MOB1B: variants seen among roughly 807,000 people sequenced by gnomAD.
The protein encoded by MOB1B is MOB1 Mps One Binder homolog B.
MOB1B carries 19 observed loss-of-function variants against 24.4 expected under a neutral mutation model. The observed-to-expected ratio is 0.78, with a 90% confidence interval of 0.54 to 1.14. MOB1B has a LOEUF of 1.14. MOB1B is among the 50% of genes most tolerant of loss of function. MOB1B has a pLI of 0.00. For missense variants in MOB1B, 243 were observed against 259.6 expected (o/e 0.94, Z 0.44); for synonymous variants, 76 against 82.1 (o/e 0.93, Z 0.40).
At chr4:70,935,893 C>T (rs1737064570) in intron 1 of MOB1B, among the ~76,000 whole-genome samples, 1 of 144,756 alleles carries the variant, frequency 6.9e-6, no homozygotes, top group South Asian at 2.2e-4. Context: ...GCTCTGTTGC[C>T]CAGGCTGGAG....
chr4:70,967,925 G>C (rs1401027220), intron 2 of MOB1B, among the ~76,000 whole-genome samples: 3 of 151,976 alleles, frequency 2.0e-5, no homozygotes, highest in Non-Finnish European at 4.4e-5. Context: ...AACTTTCCTG[G>C]CTCAAGCGAT....
rs1324653941 is a variant in MOB1B, at chr4:70,945,202, C to T, written c.15-13672C>T. Among the ~76,000 whole-genome samples, 4 of 152,240 alleles carry T rather than the reference C, an allele frequency of 2.6e-5. No homozygotes were observed. The East Asian group carries it at 7.7e-4, about 29-fold the overall frequency. The stretch of plus-strand genomic sequence containing the variant: ...TATGAAACCTAAGTATATATAAATA[C>T]CCAACTCAGCTTCCCCTTAGTTCAG... On this transcript the variant is annotated intron_variant, in intron 1 of 5. Transcript: ENST00000309395.
At position 70,983,420 on chromosome 4, in the gene MOB1B, G is replaced by T. The variant is rs571409143; in HGVS notation, c.*1363G>T. The T allele has an allele frequency of 6.6e-6, 1 of 152,330 alleles. No homozygotes were observed. The highest frequency in any genetic ancestry group is 2.4e-5 in the African/African-American group (1 of 41,420). 9.4% of individuals were successfully genotyped at this position (152,330 alleles called of 1,614,324 possible). On this transcript the variant is annotated 3_prime_UTR_variant, in exon 6 of 6. Coordinates refer to ENST00000309395, the MANE Select transcript of MOB1B (RefSeq NM_173468.4). Reference sequence around the variant, plus strand: ...ATTTTATTCGCCATGACTTTCTAGTGAATTATTACCATAAATAACAATTTC... The same window carrying T: ...ATTTTATTCGCCATGACTTTCTAGTTAATTATTACCATAAATAACAATTTC...
chr4:70,945,584 C>G (rs1423599112), intron 1 of MOB1B, among the ~76,000 whole-genome samples: 1 of 152,180 alleles, frequency 6.6e-6, no homozygotes, highest in Admixed American at 6.5e-5. Flanking sequence ...AAAGTATTTG[C>G]TGTACTTTCA....
chr4:70,912,947 G>C (rs1431509537), intron 1 of MOB1B, among the ~76,000 whole-genome samples: 2 of 152,208 alleles, frequency 1.3e-5, no homozygotes, highest in East Asian at 3.9e-4. Flanking sequence ...TGTGGAGATA[G>C]GGTTTCACCG....
At chr4:70,926,119 G>A (rs1343895210) in intron 1 of MOB1B, among the ~76,000 whole-genome samples, 1 of 152,022 alleles carries the variant, frequency 6.6e-6, no homozygotes, top group Non-Finnish European at 1.5e-5. Context: ...CTGAGTAGCC[G>A]GGACTTTAGG....
intron 5 of MOB1B, among the ~76,000 whole-genome samples, chr4:70,981,330 C>T (rs1739204884): frequency 6.6e-6 from 1 of 152,112 alleles, no homozygotes; most frequent in Non-Finnish European, 1.5e-5. Flanking sequence ...GTAGACAAGC[C>T]TCTATTTACT....
chr4:70,942,304 C>A (rs556327105), intron 1 of MOB1B, among the ~76,000 whole-genome samples: 2 of 151,734 alleles, frequency 1.3e-5, no homozygotes, highest in Non-Finnish European at 2.9e-5. Context: ...ATTTAATATT[C>A]TAGTGGTCTA....
At chr4:70,948,892 T>C (rs1411287047) in intron 1 of MOB1B, among the ~76,000 whole-genome samples, 1 of 152,182 alleles carries the variant, frequency 6.6e-6, no homozygotes. Flanking sequence ...CCCTCCACCA[T>C]GCTCTGAGCT....
intron 1 of MOB1B, among the ~76,000 whole-genome samples, chr4:70,904,367 A>G (rs2148863545): frequency 6.6e-6 from 1 of 152,196 alleles, no homozygotes; most frequent in Non-Finnish European, 1.5e-5. Flanking sequence ...TACATTGCTA[A>G]TGTTTGATTG....
At chr4:70,950,427 CAA>C (rs34937726) in intron 1 of MOB1B, among the ~76,000 whole-genome samples, 16,935 of 69,972 alleles carry the variant, frequency 0.24, 1,915 homozygotes, top group African/African-American at 0.46. Context: ...GTCTCTGTAT[CAA>C]AAAAAAAAAA....
intron 1 of MOB1B, among the ~76,000 whole-genome samples, chr4:70,942,269 A>G (rs954452708): frequency 3.3e-5 from 5 of 152,078 alleles, no homozygotes; most frequent in Non-Finnish European, 7.4e-5. Flanking sequence ...GTAATATTAA[A>G]GTGGTCTATT....
intron 1 of MOB1B, among the ~76,000 whole-genome samples, chr4:70,943,277 G>A (rs1737423169): frequency 1.3e-5 from 2 of 152,166 alleles, no homozygotes; most frequent in Non-Finnish European, 1.5e-5. Context: ...GGAACAAGTA[G>A]TTTACTAGTT....
chr4:70,959,897 T>C (rs1578389927), intron 2 of MOB1B, among the ~76,000 whole-genome samples: 1 of 151,774 alleles, frequency 6.6e-6, no homozygotes, highest in East Asian at 1.9e-4. Context: ...TTTATTTTTA[T>C]TTTGAGATCG....
chr4:70,947,342 C>A (rs1049511466), intron 1 of MOB1B, among the ~76,000 whole-genome samples: 2 of 151,846 alleles, frequency 1.3e-5, no homozygotes, highest in African/African-American at 2.4e-5. Flanking sequence ...TGATCACAGC[C>A]TACTACAGCC....
intron 4 of MOB1B, among the ~76,000 whole-genome samples, chr4:70,977,456 T>A (rs184833188): frequency 6.6e-6 from 1 of 152,270 alleles, no homozygotes; most frequent in Admixed American, 6.5e-5. Flanking sequence ...CCAATCTGCA[T>A]CATTTAGTAA....
intron 1 of MOB1B, among the ~76,000 whole-genome samples, chr4:70,920,079 C>T (rs890792082): frequency 1.3e-5 from 2 of 152,290 alleles, no homozygotes; most frequent in Non-Finnish European, 2.9e-5. Context: ...CACATATTTA[C>T]ATTTTGAAGA....
intron 3 of MOB1B, among the ~76,000 whole-genome samples, chr4:70,970,806 G>T (rs931775073): frequency 2.6e-5 from 4 of 152,288 alleles, no homozygotes; most frequent in Middle Eastern, 3.4e-3. Context: ...GTATAATATT[G>T]TAGCTCAGGA....
intron 1 of MOB1B, among the ~76,000 whole-genome samples, chr4:70,932,922 G>C (rs1736935932): frequency 6.6e-6 from 1 of 152,128 alleles, no homozygotes; most frequent in East Asian, 1.9e-4. Context: ...CTTATCTATA[G>C]TATACTGTAA....
Sources: allele counts gnomAD v4.1 joint callset (sites outside exome capture counted in the v4.1 genomes callset), GRCh38; gene constraint gnomAD v4.1.1; transcripts MANE v1.5; gene names NCBI Gene and HGNC (gene_info 2026-07-23, HGNC 2026-07-21).